The following PVT1 variants were observed in gnomAD, a reference collection of about 807,000 sequenced individuals.
PVT1 encodes CXCR4/PVT1 fusion.
At chr8:127,877,471 G>GTCTC in intron 2 of PVT1, among the ~76,000 whole-genome samples, 1 of 151,558 alleles carries the variant, frequency 6.6e-6, no homozygotes, top group East Asian at 1.9e-4. Context: ...TACCCCGAGG[G>GTCTC]TCTCTCTCTC....
chr8:127,940,703 GGGTC>G, intron 3 of PVT1, among the ~76,000 whole-genome samples: 1 of 151,962 alleles, frequency 6.6e-6, no homozygotes, highest in Non-Finnish European at 1.5e-5. Flanking sequence ...AGGGCTCAAG[GGGTC>G]CTCCCACCTC....
chr8:127,809,029 CAAAAAAAA>C (rs1158760672), intron 2 of PVT1, among the ~76,000 whole-genome samples: 1 of 28,286 alleles, frequency 3.5e-5, no homozygotes, highest in East Asian at 1.1e-3. Context: ...GATTCCATCT[CAAAAAAAA>C]AAAAAAAAAA....
At chr8:127,942,295 C>G in intron 3 of PVT1, among the ~76,000 whole-genome samples, 1 of 152,176 alleles carries the variant, frequency 6.6e-6, no homozygotes, top group East Asian at 1.9e-4. Context: ...CCATGGCTTG[C>G]CTAAGGTCAT....
intron 4 of PVT1, among the ~76,000 whole-genome samples, chr8:128,063,432 A>C: frequency 6.6e-6 from 1 of 152,136 alleles, no homozygotes; most frequent in East Asian, 1.9e-4. Context: ...GAATTGCTTG[A>C]ACTCGGGAAG....
At chr8:127,799,893 C>T (rs1563608573) in intron 2 of PVT1, among the ~76,000 whole-genome samples, 1 of 152,226 alleles carries the variant, frequency 6.6e-6, no homozygotes, top group Non-Finnish European at 1.5e-5. Context: ...CTGTAGTTCT[C>T]TGCAAGCATC....
intron 4 of PVT1, among the ~76,000 whole-genome samples, chr8:128,058,378 ATG>A (rs3041914): frequency 0.06 from 8,742 of 146,470 alleles, 345 homozygotes; most frequent in East Asian, 0.15. Context: ...AAACTGATGC[ATG>A]TGTGTGTGTG....
intron 4 of PVT1, among the ~76,000 whole-genome samples, chr8:128,041,645 ATG>A (rs1253781250): frequency 2.1e-5 from 3 of 140,258 alleles, no homozygotes; most frequent in African/African-American, 8.1e-5. Context: ...TGTGTGGTGA[ATG>A]TGTGTGTATT....
intron 4 of PVT1, among the ~76,000 whole-genome samples, chr8:128,048,818 G>C (rs1178107989): frequency 6.6e-6 from 1 of 152,228 alleles, no homozygotes; most frequent in East Asian, 1.9e-4. Context: ...CGCTTATTGT[G>C]TCAGGAGAAA....
chr8:128,012,454 A>G (rs1365370), intron 4 of PVT1, among the ~76,000 whole-genome samples: 97,486 of 152,034 alleles, frequency 0.64, 31,618 homozygotes, highest in East Asian at 0.71. Flanking sequence ...TGCAAATGAG[A>G]AAATGGAGGC....
chr8:128,036,371 C>T (rs1813462137), intron 4 of PVT1, among the ~76,000 whole-genome samples: 1 of 152,218 alleles, frequency 6.6e-6, no homozygotes, highest in African/African-American at 2.4e-5. Flanking sequence ...CCGTGCCTTA[C>T]CTCTTGTACC....
intron 3 of PVT1, among the ~76,000 whole-genome samples, chr8:127,978,387 T>C (rs1816845426): frequency 6.6e-6 from 1 of 152,082 alleles, no homozygotes; most frequent in Non-Finnish European, 1.5e-5. Flanking sequence ...CTCAAATTCC[T>C]GGCTTCAAGT....
At chr8:127,882,189 A>G (rs1815476276) in intron 2 of PVT1, among the ~76,000 whole-genome samples, 1 of 152,250 alleles carries the variant, frequency 6.6e-6, no homozygotes, top group African/African-American at 2.4e-5. Context: ...GAATCGGGTG[A>G]GTGTGACGGG....
chr8:127,825,570 A>G (rs1470513314), intron 2 of PVT1, among the ~76,000 whole-genome samples: 1 of 152,190 alleles, frequency 6.6e-6, no homozygotes, highest in African/African-American at 2.4e-5. Flanking sequence ...ACAGTAGATG[A>G]TGACATCTAC....
chr8:127,868,784 T>TATACGTATATATATGTATATAC (rs1563625664), intron 2 of PVT1, among the ~76,000 whole-genome samples: 8 of 84,176 alleles, frequency 9.5e-5, no homozygotes, highest in Admixed American at 2.7e-4. Flanking sequence ...TATATATATA[T>TATACGTATATATATGTATATAC]ATATATATAC....
chr8:127,797,683 A>G (rs1319123278), intron 2 of PVT1, among the ~76,000 whole-genome samples: 3 of 152,224 alleles, frequency 2.0e-5, no homozygotes, highest in Non-Finnish European at 4.4e-5. Flanking sequence ...TATAACATGG[A>G]CATTGTTTAT....
chr8:127,913,041 G>A (rs181728298), intron 3 of PVT1, among the ~76,000 whole-genome samples: 1 of 152,048 alleles, frequency 6.6e-6, no homozygotes, highest in African/African-American at 2.4e-5. Context: ...GTAGAGATGG[G>A]GTTTTACCGT....
At chr8:127,894,110 G>A (rs1186755095) in intron 3 of PVT1, among the ~76,000 whole-genome samples, 1 of 152,210 alleles carries the variant, frequency 6.6e-6, no homozygotes, top group African/African-American at 2.4e-5. Flanking sequence ...GTTTTCACTT[G>A]ATGGGCTCCT....
chr8:127,889,664 G>A (rs920313127), intron 2 of PVT1, among the ~76,000 whole-genome samples: 2 of 152,116 alleles, frequency 1.3e-5, no homozygotes, highest in East Asian at 1.9e-4. Context: ...AACTTAGAGC[G>A]GCGGATCAGG....
rs1005326523 is a variant in PVT1, at chr8:128,037,043, C to G, written n.913-33117C>G. On this transcript the variant is annotated intron_variant and non_coding_transcript_variant, in intron 4 of 10. Transcript: ENST00000651587. ...TCTCACCAAATAGCTGCCTGGGCCC[C>G]TCTCCTCCTGACCAGTCAGCCACCG... Among the ~76,000 whole-genome samples the G allele has an allele frequency of 7.9e-5, 12 of 152,204 alleles. 1 individual carries two copies. The highest frequency in any genetic ancestry group is 2.9e-4 in the African/African-American group (12 of 41,450).
Sources: gnomAD v4.1 joint callset for allele counts (sites outside exome capture counted in the v4.1 genomes callset) on GRCh38, gnomAD v4.1.1 for gene constraint, MANE v1.5 for transcripts, NCBI Gene and HGNC (gene_info 2026-07-23, HGNC 2026-07-21) for gene names.